The following PDE4D variants were observed in gnomAD, a reference collection of about 807,000 sequenced individuals.
The protein encoded by PDE4D is phosphodiesterase 4D, also known as 3',5'-cyclic-AMP phosphodiesterase 4D.
PDE4D carries 24 observed loss-of-function variants against 87.4 expected under a neutral mutation model. The ratio of observed to expected loss-of-function variants is 0.27; its 90% CI spans 0.20 to 0.39. The LOEUF is 0.39. Ranked by LOEUF, PDE4D falls within the 10% of genes least tolerant of loss-of-function variation. PDE4D has a pLI of 1.00. For missense variants in PDE4D, 714 were observed against 1,041.0 expected, an observed-to-expected ratio of 0.69 and a Z score of 4.32; for synonymous variants, 384 against 383.2, an observed-to-expected ratio of 1.00 and a Z score of -0.02.
chr5:59,086,696 T>A (rs1767755867), intron 5 of PDE4D, among the ~76,000 whole-genome samples: 1 of 152,188 alleles, frequency 6.6e-6, no homozygotes, highest in Non-Finnish European at 1.5e-5. Flanking sequence ...CTGCAGTTTT[T>A]ACTATCTTAT....
intron 5 of PDE4D, among the ~76,000 whole-genome samples, chr5:59,128,178 G>A (rs1414478572): frequency 1.3e-5 from 2 of 152,014 alleles, no homozygotes; most frequent in Non-Finnish European, 2.9e-5. Flanking sequence ...TCTTGTGTAA[G>A]TGCTCCTAGC....
chr5:59,988,297 A>G, intron 3 of PDE4D: 1 of 481,268 alleles, frequency 2.1e-6, no homozygotes, highest in Non-Finnish European at 3.7e-6. Context: ...ATGTAAAACA[A>G]TTTCACTAAA....
chr5:60,264,322 A>G (rs779294988), intron 1 of PDE4D, among the ~76,000 whole-genome samples: 8 of 152,198 alleles, frequency 5.3e-5, no homozygotes, highest in Non-Finnish European at 1.0e-4. Flanking sequence ...CGACTTGAAG[A>G]TGGCTGAGAA....
chr5:59,680,000 C>A (rs1748736412), intron 1 of PDE4D, among the ~76,000 whole-genome samples: 1 of 152,078 alleles, frequency 6.6e-6, no homozygotes, highest in African/African-American at 2.4e-5. Context: ...AAACTTAACT[C>A]CAAGTACGAA....
chr5:59,237,345 T>C (rs981678249), intron 1 of PDE4D, among the ~76,000 whole-genome samples: 6 of 152,192 alleles, frequency 3.9e-5, no homozygotes, highest in Non-Finnish European at 5.9e-5. Flanking sequence ...AAATTAACAT[T>C]CATGTTTTGC....
chr5:60,515,753 G>GT (rs1458777499), intron 1 of PDE4D, among the ~76,000 whole-genome samples: 3 of 151,946 alleles, frequency 2.0e-5, no homozygotes, highest in Non-Finnish European at 4.4e-5. Flanking sequence ...CTAGATCAGG[G>GT]TTTTTCAAAC....
intron 1 of PDE4D, among the ~76,000 whole-genome samples, chr5:60,228,235 T>C (rs1041845210): frequency 9.9e-5 from 15 of 152,242 alleles, no homozygotes; most frequent in African/African-American, 2.6e-4. Context: ...ATATATTTAT[T>C]TAGTTATTTG....
chr5:59,648,050 T>C (rs995746526), intron 1 of PDE4D, among the ~76,000 whole-genome samples: 2 of 152,192 alleles, frequency 1.3e-5, no homozygotes, highest in African/African-American at 4.8e-5. Context: ...AGAGCTCTGC[T>C]ACATCTACTT....
intron 2 of PDE4D, among the ~76,000 whole-genome samples, chr5:60,176,678 A>C (rs1488519020): frequency 6.6e-6 from 1 of 152,188 alleles, no homozygotes; most frequent in Non-Finnish European, 1.5e-5. Flanking sequence ...AGTGTGAGAC[A>C]CGAAATGTTA....
chr5:59,447,032 C>T (rs1798452533), intron 1 of PDE4D, among the ~76,000 whole-genome samples: 1 of 152,134 alleles, frequency 6.6e-6, no homozygotes, highest in South Asian at 2.1e-4. Flanking sequence ...TTTGGGGAAC[C>T]TAATGAGGGT....
Position 58,972,707 on chromosome 5 carries a change from A to C in PDE4D, c.*1957T>G, listed in dbSNP as rs1261085550. ...AAAGTCTTCATAGAGAAGGTAAAGA[A>C]GACTTTATTAAGGCTGACGTGGGGA... On this transcript the variant is annotated 3_prime_UTR_variant, in exon 15 of 15. Coordinates refer to ENST00000340635, the MANE Select transcript of PDE4D (RefSeq NM_001104631.2). The C allele has an allele frequency of 1.3e-5, 2 of 152,326 alleles. No homozygotes were observed. Among genetic ancestry groups the C allele is most frequent in the South Asian group, 2.1e-4 (1 of 4,820 alleles). The allele number at this position is 152,326 out of a possible 1,614,324, so 9.4% of individuals were successfully genotyped here. A position where few individuals can be genotyped will look rare whatever the true frequency, so the allele number is the denominator to read the frequency against.
intron 1 of PDE4D, among the ~76,000 whole-genome samples, chr5:59,743,840 C>T (rs1759215317): frequency 1.3e-5 from 2 of 152,064 alleles, no homozygotes; most frequent in South Asian, 4.2e-4. Flanking sequence ...ACACTTCAAT[C>T]AGCCTGACAC....
At chr5:59,693,907 T>C (rs946505115) in intron 1 of PDE4D, among the ~76,000 whole-genome samples, 1 of 152,152 alleles carries the variant, frequency 6.6e-6, no homozygotes, top group Non-Finnish European at 1.5e-5. Flanking sequence ...TGTGGATCAG[T>C]TCTAAGAGAG....
chr5:60,516,689 T>C (rs1177216854), intron 1 of PDE4D, among the ~76,000 whole-genome samples: 4 of 152,244 alleles, frequency 2.6e-5, no homozygotes, highest in Admixed American at 6.5e-5. Context: ...GAATTAATAT[T>C]TATTGAGCTT....
intron 1 of PDE4D, among the ~76,000 whole-genome samples, chr5:59,883,276 A>G (rs1357051448): frequency 6.6e-6 from 1 of 152,238 alleles, no homozygotes; most frequent in Non-Finnish European, 1.5e-5. Context: ...TAAGGACCAG[A>G]GAACACATAC....
At chr5:59,806,203 C>T (rs1767713638) in intron 1 of PDE4D, among the ~76,000 whole-genome samples, 1 of 152,202 alleles carries the variant, frequency 6.6e-6, no homozygotes, top group Non-Finnish European at 1.5e-5. Context: ...GACAGCGTTC[C>T]TCTCCAAAGC....
At chr5:60,470,598 G>A (rs1481209449) in intron 1 of PDE4D, among the ~76,000 whole-genome samples, 1 of 152,118 alleles carries the variant, frequency 6.6e-6, no homozygotes, top group Admixed American at 6.6e-5. Flanking sequence ...GACCAATACA[G>A]GTGGTAGCTT....
intron 1 of PDE4D, among the ~76,000 whole-genome samples, chr5:59,715,930 T>C (rs77812142): frequency 0.014 from 2,096 of 152,264 alleles, 49 homozygotes; most frequent in African/African-American, 0.048. Flanking sequence ...TTTCTCCATT[T>C]AAAAGACTCC....
chr5:59,193,680 T>A, intron 2 of PDE4D, 144 bp from the exon 3 acceptor site: 1 of 1,453,686 alleles, frequency 6.9e-7, no homozygotes, highest in Non-Finnish European at 9.0e-7. Flanking sequence ...CACATGTTCT[T>A]CCCAGCAACT....
Sources: allele counts gnomAD v4.1 joint callset (sites outside exome capture counted in the v4.1 genomes callset), GRCh38; gene constraint gnomAD v4.1.1; transcripts MANE v1.5; gene names NCBI Gene and HGNC (gene_info 2026-07-23, HGNC 2026-07-21).